DCLK1: variants seen among roughly 807,000 people sequenced by gnomAD.
The protein encoded by DCLK1 is serine/threonine-protein kinase DCLK1.
DCLK1 carries 16 observed loss-of-function variants against 86.2 expected under a neutral mutation model. The observed-to-expected ratio is 0.19, with a 90% CI of 0.13 to 0.28. The LOEUF (loss-of-function observed/expected upper bound fraction) is 0.28. Ranked by LOEUF, DCLK1 falls within the 10% of genes least tolerant of loss-of-function variation. The pLI is 1.00. For synonymous variants in DCLK1, 369 were observed against 370.5 expected, an observed-to-expected ratio of 1.00 and a Z score of 0.05; for missense variants, 590 against 940.2, an observed-to-expected ratio of 0.63 and a Z score of 4.87.
chr13:35,867,205 T>C (rs72652875), intron 5 of DCLK1, among the ~76,000 whole-genome samples: 10,954 of 152,246 alleles, frequency 0.072, 483 homozygotes, highest in Middle Eastern at 0.11. Flanking sequence ...GTGCATATAG[T>C]AATCTCTTAT....
At chr13:35,926,973 A>C (rs1876159718) in intron 4 of DCLK1, among the ~76,000 whole-genome samples, 1 of 152,208 alleles carries the variant, frequency 6.6e-6, no homozygotes, top group Non-Finnish European at 1.5e-5. Context: ...TGAGCCCTAG[A>C]CTGGAAGTCA....
intron 7 of DCLK1, among the ~76,000 whole-genome samples, chr13:35,838,010 G>T (rs1392868326): frequency 6.8e-6 from 1 of 146,782 alleles, no homozygotes; most frequent in Non-Finnish European, 1.5e-5. Context: ...AGGTTGCAGT[G>T]AGCTGAGATA....
chr13:35,962,240 T>A (rs2153137486), intron 3 of DCLK1, among the ~76,000 whole-genome samples: 1 of 152,268 alleles, frequency 6.6e-6, no homozygotes, highest in South Asian at 2.1e-4. Flanking sequence ...ATAGGGTCAT[T>A]GCAGATGTAA....
At chr13:35,905,956 T>A (rs1245363854) in intron 4 of DCLK1, among the ~76,000 whole-genome samples, 1 of 152,212 alleles carries the variant, frequency 6.6e-6, no homozygotes, top group Non-Finnish European at 1.5e-5. Flanking sequence ...ATAAGCATGA[T>A]CTTAATGAGA....
intron 5 of DCLK1, among the ~76,000 whole-genome samples, chr13:35,867,945 G>GAAAGAAAGAA (rs1555345737): frequency 7.1e-6 from 1 of 140,670 alleles, no homozygotes; most frequent in Non-Finnish European, 1.5e-5. Flanking sequence ...AAGAAAGAAA[G>GAAAGAAAGAA]AAAGAAAGAA....
intron 3 of DCLK1, among the ~76,000 whole-genome samples, chr13:36,103,078 G>A (rs1885271967): frequency 6.6e-6 from 1 of 151,976 alleles, no homozygotes; most frequent in South Asian, 2.1e-4. Flanking sequence ...TGTTGTTGTT[G>A]TTATTGTTGT....
At chr13:35,965,559 G>A (rs941513615) in intron 3 of DCLK1, among the ~76,000 whole-genome samples, 2 of 152,142 alleles carry the variant, frequency 1.3e-5, no homozygotes, top group Admixed American at 1.3e-4. Flanking sequence ...CTGTGCAAAG[G>A]ACAGAAAGAG....
intron 3 of DCLK1, 48 bp from the exon 4 acceptor site, chr13:35,947,505 T>G (rs1877451617): frequency 6.7e-7 from 1 of 1,491,376 alleles, no homozygotes; most frequent in Non-Finnish European, 9.3e-7. Flanking sequence ...GAACAGCAAT[T>G]ACAACAATGC....
chr13:35,799,691 A>G (rs1472313745), intron 15 of DCLK1, among the ~76,000 whole-genome samples: 1 of 152,204 alleles, frequency 6.6e-6, no homozygotes, highest in East Asian at 1.9e-4. Context: ...ATGGAATGAC[A>G]GCAATATATT....
At chr13:35,953,238 G>A (rs1877803581) in intron 3 of DCLK1, among the ~76,000 whole-genome samples, 1 of 151,986 alleles carries the variant, frequency 6.6e-6, no homozygotes, top group South Asian at 2.1e-4. Flanking sequence ...AATCCAGCCA[G>A]GTTAAACAGA....
At chr13:35,988,549 T>C (rs191509252) in intron 3 of DCLK1, among the ~76,000 whole-genome samples, 3 of 152,202 alleles carry the variant, frequency 2.0e-5, no homozygotes. Flanking sequence ...TATTATACCA[T>C]TTATGATCTA....
At chr13:36,046,102 A>G (rs537276735) in intron 3 of DCLK1, among the ~76,000 whole-genome samples, 1 of 151,838 alleles carries the variant, frequency 6.6e-6, no homozygotes, top group East Asian at 2.1e-4. Flanking sequence ...TATTTTGGTA[A>G]AGAAAGTTAT....
intron 12 of DCLK1, 72 bp from the exon 13 acceptor site, chr13:35,809,167 G>A: frequency 7.7e-7 from 1 of 1,290,392 alleles, no homozygotes; most frequent in South Asian, 1.5e-5. Flanking sequence ...TAAAATCAAT[G>A]ACTTTCCTCC....
intron 3 of DCLK1, among the ~76,000 whole-genome samples, chr13:36,047,806 G>C (rs1156925199): frequency 6.6e-6 from 1 of 152,130 alleles, no homozygotes; most frequent in Non-Finnish European, 1.5e-5. Flanking sequence ...TCAAATACCT[G>C]AGGGCTGGGT....
chr13:36,086,201 A>G (rs1189111961), intron 3 of DCLK1, among the ~76,000 whole-genome samples: 1 of 152,130 alleles, frequency 6.6e-6, no homozygotes, highest in African/African-American at 2.4e-5. Context: ...AGCTATTAGC[A>G]TTATTTAATT....
chr13:35,805,833 A>AAG, intron 14 of DCLK1, 54 bp from the exon 15 acceptor site: 1 of 1,488,646 alleles, frequency 6.7e-7, no homozygotes, highest in South Asian at 1.2e-5. Context: ...GAAAAGCTGT[A>AAG]TGTGTGCAAA....
intron 3 of DCLK1, among the ~76,000 whole-genome samples, chr13:35,969,114 C>A (rs554109970): frequency 6.6e-6 from 1 of 152,286 alleles, no homozygotes; most frequent in South Asian, 2.1e-4. Flanking sequence ...ACTTCTCCTG[C>A]AACTATAATG....
chr13:36,110,202 G>C (rs529684750), intron 3 of DCLK1, among the ~76,000 whole-genome samples: 1 of 152,242 alleles, frequency 6.6e-6, no homozygotes, highest in South Asian at 2.1e-4. Context: ...CATTAGAAAT[G>C]GAGCCAGTGA....
Position 35,836,123 on chromosome 13 carries a change from A to T in DCLK1, c.1139T>A (p.Phe380Tyr). 6.2e-7 allele frequency: 1 copy of T among 1,612,428 alleles called. No individual in the cohort carries two copies. The highest frequency in any genetic ancestry group is 8.5e-7 in the Non-Finnish European group (1 of 1,179,610). Residue 380 changes from phenylalanine (F) to tyrosine (Y), a missense_variant, in exon 8 of 17, where the codon TTC (phenylalanine) becomes TAC (tyrosine). Around this residue, in one of 6 missense-constraint regions of DCLK1, gnomAD observed 108 missense variants for 195.7 expected, o/e 0.55. Transcript: ENST00000360631. ...TTCTGTTATTGTAGCTGGAATCTGG[A>T]AGCCTTCCTCCGACACTTCTGAAAG... ...GPGEEVSEEG[F>Y]QIPATITERY...
Sources: allele counts gnomAD v4.1 joint callset (sites outside exome capture counted in the v4.1 genomes callset), GRCh38; gene constraint gnomAD v4.1.1; regional missense constraint gnomAD v4.1.1; transcripts MANE v1.5; gene names NCBI Gene and HGNC (gene_info 2026-07-23, HGNC 2026-07-21).